The following IL1RAPL1 variants were observed in gnomAD, a reference collection of about 807,000 sequenced individuals.
IL1RAPL1 encodes interleukin-1 receptor accessory protein-like 1.
Under a neutral mutation model 48.4 loss-of-function variants are expected in IL1RAPL1, and 3 were observed. The observed-to-expected ratio is 0.06, with a 90% CI of 0.03 to 0.16. The LOEUF (loss-of-function observed/expected upper bound fraction) is 0.16, where lower values mean the gene tolerates loss of function less well. Among genes scored for constraint, IL1RAPL1 ranks in the 10% least tolerant of loss-of-function variants. The pLI is 1.00. For missense variants in IL1RAPL1, 349 were observed against 530.6 expected, an observed-to-expected ratio of 0.66 and a Z score of 3.36; for synonymous variants, 185 against 187.7, an observed-to-expected ratio of 0.99 and a Z score of 0.12.
intron 2 of IL1RAPL1, among the ~76,000 whole-genome samples, chrX:28,933,321 G>A (rs1923934471): frequency 9.0e-6 from 1 of 111,207 alleles, no homozygotes; most frequent in African/African-American, 3.3e-5. Context: ...CAGCTCAGTG[G>A]CCATCATGAT....
At chrX:29,862,759 C>T (rs1931614592) in intron 6 of IL1RAPL1, among the ~76,000 whole-genome samples, 1 of 109,942 alleles carries the variant, frequency 9.1e-6, no homozygotes, top group Non-Finnish European at 1.9e-5. Context: ...CAATATCTAT[C>T]GGTAGACATT....
intron 2 of IL1RAPL1, among the ~76,000 whole-genome samples, chrX:29,163,204 G>T (rs1929723342): frequency 9.0e-6 from 1 of 111,656 alleles, no homozygotes; most frequent in African/African-American, 3.3e-5. Flanking sequence ...TTGTAAGTTG[G>T]GGCCAAAGAA....
At chrX:28,986,741 C>T (rs1326639841) in intron 2 of IL1RAPL1, among the ~76,000 whole-genome samples, 1 of 111,967 alleles carries the variant, frequency 8.9e-6, no homozygotes, top group Non-Finnish European at 1.9e-5. Flanking sequence ...AAAATATACC[C>T]GTTTTTCTTT....
intron 3 of IL1RAPL1, among the ~76,000 whole-genome samples, chrX:29,390,070 G>C (rs918551547): frequency 9.8e-5 from 11 of 112,435 alleles, no homozygotes; most frequent in African/African-American, 3.5e-4. Context: ...AAAATGGAAG[G>C]CTTTAAGATT....
chrX:28,968,173 T>C (rs376303301), intron 2 of IL1RAPL1, among the ~76,000 whole-genome samples: 6 of 111,801 alleles, frequency 5.4e-5, no homozygotes, highest in African/African-American at 1.9e-4. Flanking sequence ...GTGGACTTCT[T>C]TTTGATCTCT....
chrX:29,633,451 A>G (rs1256400148), intron 5 of IL1RAPL1, among the ~76,000 whole-genome samples: 1 of 102,932 alleles, frequency 9.7e-6, no homozygotes, highest in Non-Finnish European at 2.0e-5. Flanking sequence ...GTTTGTGACA[A>G]TTTATCGATA....
intron 2 of IL1RAPL1, among the ~76,000 whole-genome samples, chrX:28,921,784 A>T (rs1338062001): frequency 8.9e-6 from 1 of 112,214 alleles, no homozygotes; most frequent in Admixed American, 9.5e-5. Context: ...CCAAAAAATA[A>T]AGGAACACCC....
At chrX:29,305,702 A>G (rs761339961) in intron 3 of IL1RAPL1, among the ~76,000 whole-genome samples, 1 of 111,755 alleles carries the variant, frequency 8.9e-6, no homozygotes, top group Non-Finnish European at 1.9e-5. Flanking sequence ...TAGCTGTAGG[A>G]GAAGTGATAA....
At chrX:29,718,627 G>C in intron 6 of IL1RAPL1, among the ~76,000 whole-genome samples, 1 of 98,903 alleles carries the variant, frequency 1.0e-5, no homozygotes, top group African/African-American at 4.0e-5. Flanking sequence ...AAAAAAGAAT[G>C]TGCTCTCAGC....
chrX:29,642,963 G>A (rs766444838), intron 5 of IL1RAPL1, among the ~76,000 whole-genome samples: 4 of 111,856 alleles, frequency 3.6e-5, no homozygotes, highest in Non-Finnish European at 5.6e-5. Context: ...GCACAATTCA[G>A]CAATTTATCA....
chrX:29,782,887 CATTTTTTTT>C (rs1929382351), intron 6 of IL1RAPL1, among the ~76,000 whole-genome samples: 14 of 59,853 alleles, frequency 2.3e-4, no homozygotes, highest in African/African-American at 7.8e-4. Context: ...TTGATCGTGA[CATTTTTTTT>C]TTTTTTTTTT....
At chrX:28,862,886 A>G (rs1189255059) in intron 2 of IL1RAPL1, among the ~76,000 whole-genome samples, 2 of 103,293 alleles carry the variant, frequency 1.9e-5, no homozygotes, top group Admixed American at 2.1e-4. Context: ...AAATTATGCC[A>G]TTTTTTTTTT....
chrX:29,948,059 T>C (rs971474606), intron 9 of IL1RAPL1, among the ~76,000 whole-genome samples: 15 of 111,193 alleles, frequency 1.3e-4, no homozygotes, highest in African/African-American at 3.9e-4. Context: ...ATAGAATGAC[T>C]CCTTTGGACC....
At chrX:29,480,846 T>C (rs549997761) in intron 5 of IL1RAPL1, among the ~76,000 whole-genome samples, 1 of 111,587 alleles carries the variant, frequency 9.0e-6, no homozygotes, top group East Asian at 2.8e-4. Context: ...TTATGTATAC[T>C]TTCATGCTAT....
chrX:29,850,475 C>T (rs1427678665), intron 6 of IL1RAPL1, among the ~76,000 whole-genome samples: 1 of 112,344 alleles, frequency 8.9e-6, no homozygotes, highest in Non-Finnish European at 1.9e-5. Context: ...CCTTCAGGAC[C>T]TCTAAGGCCT....
intron 6 of IL1RAPL1, among the ~76,000 whole-genome samples, chrX:29,857,897 A>ATCTC (rs1931504548): frequency 1.8e-5 from 2 of 111,884 alleles, no homozygotes; most frequent in African/African-American, 6.5e-5. Context: ...TTTGTACAGA[A>ATCTC]TCTCTAGGCT....
At chrX:28,714,024 C>T (rs1377778890) in intron 1 of IL1RAPL1, among the ~76,000 whole-genome samples, 3 of 111,800 alleles carry the variant, frequency 2.7e-5, no homozygotes, top group East Asian at 5.6e-4. Flanking sequence ...TATTATCACA[C>T]GTTTTAAGTA....
intron 2 of IL1RAPL1, among the ~76,000 whole-genome samples, chrX:29,155,079 C>T (rs1186899941): frequency 9.2e-6 from 1 of 108,405 alleles, no homozygotes; most frequent in African/African-American, 3.4e-5. Context: ...ATGATCTTGG[C>T]TCACTGCAAC....
intron 5 of IL1RAPL1, among the ~76,000 whole-genome samples, chrX:29,433,841 T>G (rs1444042586): frequency 9.0e-6 from 1 of 110,781 alleles, no homozygotes; most frequent in Non-Finnish European, 1.9e-5. Context: ...TTTACTTTTT[T>G]TCTTTGTAGT....
Sources: allele counts gnomAD v4.1 joint callset (sites outside exome capture counted in the v4.1 genomes callset), GRCh38; gene constraint gnomAD v4.1.1; transcripts MANE v1.5; gene names NCBI Gene and HGNC (gene_info 2026-07-23, HGNC 2026-07-21).